ARL13B: variants seen among roughly 807,000 people sequenced by gnomAD.
ARL13B encodes the protein ADP-ribosylation factor-like protein 13B.
In ARL13B, 36 loss-of-function variants were observed where a neutral mutation model predicts 56.1. The ratio of observed to expected loss-of-function variants is 0.64; its 90% CI spans 0.49 to 0.85. ARL13B has a LOEUF of 0.85. Ranked by LOEUF, ARL13B falls within the 40% of genes least tolerant of loss-of-function variation. The pLI, the probability that ARL13B is intolerant of heterozygous loss-of-function variation, is 0.00. For missense variants in ARL13B, 519 were observed against 507.1 expected, an observed-to-expected ratio of 1.02 and a Z score of -0.23; for synonymous variants, 178 against 171.1, an observed-to-expected ratio of 1.04 and a Z score of -0.32.
At position 94,003,800 on chromosome 3, in the gene ARL13B, G is replaced by C; in HGVS notation, c.272G>C (p.Gly91Ala). 1 of 1,613,712 alleles carries C rather than the reference G, an allele frequency of 6.2e-7. No individual in the cohort carries two copies. Among genetic ancestry groups the C allele is most frequent in the Non-Finnish European group, 8.5e-7 (1 of 1,179,744 alleles). The change falls in exon 3 of 10, where the codon GGG becomes GCG. Residue 91 changes from glycine to alanine, a missense_variant. Coordinates refer to ENST00000394222, the MANE Select transcript of ARL13B (RefSeq NM_001174150.2). ...AAGAATTACTATGCTGAATCCTATG[G>C]GGTAATATTTGTTGTGGATTCCAGT... is the stretch of plus-strand genomic sequence containing the variant. ...IWKNYYAESY[G>A]VIFVVDSSDE... is the part of the protein sequence containing the mutation.
chr3:94,033,322 T>C (rs925210063), intron 3 of ARL13B, among the ~76,000 whole-genome samples: 1 of 152,050 alleles, frequency 6.6e-6, no homozygotes, highest in African/African-American at 2.4e-5. Context: ...ATGCAATATA[T>C]CACCACTATG....
intron 3 of ARL13B, chr3:94,014,685 A>C: frequency 6.2e-7 from 1 of 1,613,374 alleles, no homozygotes; most frequent in Non-Finnish European, 8.5e-7. Context: ...GTAAGCTTTC[A>C]TTAAAAACTT....
intron 8 of ARL13B, among the ~76,000 whole-genome samples, chr3:94,049,870 C>T (rs983340657): frequency 3.3e-5 from 5 of 151,382 alleles, no homozygotes; most frequent in Non-Finnish European, 7.4e-5. Flanking sequence ...AACATTGAAC[C>T]GGCTCGGCAT....
rs2076089227 is a variant in ARL13B at position 94,003,706 on chromosome 3, C to T, written c.178C>T (p.Leu60Phe). The T allele has an allele frequency of 6.2e-7, 1 of 1,613,420 alleles. No individual in the cohort carries two copies. The highest frequency in any genetic ancestry group is 1.7e-5 in the Admixed American group (1 of 59,990). Reference protein sequence around the residue: ...APTVGFSKINLRQGKFEVTIF... With the variant: ...APTVGFSKINFRQGKFEVTIF... The stretch of plus-strand genomic sequence containing the variant: ...TACTGTTGGATTTTCAAAAATTAAC[C>T]TTAGACAAGGAAAGTTTGAAGTCAC... The change falls in exon 3 of 10, where the codon CTT becomes TTT. Residue 60 changes from leucine (L) to phenylalanine (F), a missense_variant. Coordinates refer to ENST00000394222, the MANE Select transcript of ARL13B (RefSeq NM_001174150.2).
chr3:93,997,973 G>A (rs1046785803), intron 2 of ARL13B, among the ~76,000 whole-genome samples: 1 of 152,014 alleles, frequency 6.6e-6, no homozygotes, highest in African/African-American at 2.4e-5. Context: ...GCAACAGTGA[G>A]ACTCCGTCTC....
chr3:94,029,959 G>A (rs1171100776), intron 3 of ARL13B, among the ~76,000 whole-genome samples: 1 of 152,126 alleles, frequency 6.6e-6, no homozygotes, highest in Non-Finnish European at 1.5e-5. Flanking sequence ...GAAAGGAAGG[G>A]TAGATATAAA....
intron 7 of ARL13B, chr3:94,047,935 G>A: frequency 6.6e-6 from 1 of 151,162 alleles, no homozygotes; most frequent in South Asian, 2.1e-4. Context: ...TGCTTTTTAG[G>A]CTTCACAGAT....
intron 3 of ARL13B, among the ~76,000 whole-genome samples, chr3:94,019,816 C>T (rs561639929): frequency 7.9e-5 from 12 of 152,300 alleles, no homozygotes; most frequent in African/African-American, 2.9e-4. Flanking sequence ...TGTTCTCACA[C>T]AAATCTGGCA....
intron 7 of ARL13B, 57 bp from the exon 8 acceptor site, chr3:94,049,349 A>G: frequency 9.8e-7 from 1 of 1,019,786 alleles, no homozygotes. Context: ...TTTGTTTTCT[A>G]TTATAAAAGT....
rs1372313465 is a variant in ARL13B at position 94,055,304 on chromosome 3, T to C, written c.*2041T>C. 3 of 417,188 alleles carry C rather than the reference T, an allele frequency of 7.2e-6. No homozygotes were observed. Among genetic ancestry groups the C allele is most frequent in the Non-Finnish European group, 1.4e-5 (3 of 213,770 alleles). 25.8% of individuals were successfully genotyped at this position (417,188 alleles called of 1,614,324 possible). A position where few individuals can be genotyped will look rare whatever the true frequency, so the allele number is the denominator to read the frequency against. ...ATATTCTGTTTCTCTTTTCAATTGG[T>C]AGATTTAAATGATTTCCTTTGGGTA... On this transcript the variant is annotated 3_prime_UTR_variant, in exon 10 of 10. Transcript: ENST00000394222.
At chr3:93,986,598 C>G (rs1456474585) in intron 1 of ARL13B, among the ~76,000 whole-genome samples, 1 of 152,070 alleles carries the variant, frequency 6.6e-6, no homozygotes, top group Non-Finnish European at 1.5e-5. Context: ...TAATAGAGTT[C>G]CGATGTGTCA....
intron 1 of ARL13B, among the ~76,000 whole-genome samples, chr3:93,987,594 G>T (rs921590344): frequency 6.6e-6 from 1 of 151,930 alleles, no homozygotes; most frequent in Admixed American, 6.6e-5. Flanking sequence ...TAAGTATACA[G>T]ACATTTCAAA....
chr3:94,046,991 C>T (rs934312726), intron 7 of ARL13B, among the ~76,000 whole-genome samples: 5 of 152,016 alleles, frequency 3.3e-5, no homozygotes, highest in African/African-American at 4.8e-5. Context: ...ACTAGATATA[C>T]GTTAAGTTAT....
chr3:94,023,114 G>A (rs1275750983), intron 3 of ARL13B, among the ~76,000 whole-genome samples: 2 of 151,612 alleles, frequency 1.3e-5, no homozygotes, highest in African/African-American at 2.4e-5. Context: ...ATTTGGGAGT[G>A]TACCATAGCT....
chr3:94,041,334 G>T (rs1010523211), intron 6 of ARL13B, among the ~76,000 whole-genome samples: 1 of 151,916 alleles, frequency 6.6e-6, no homozygotes, highest in Admixed American at 6.6e-5. Flanking sequence ...AAAAATAATA[G>T]AACAACTTAA....
intron 8 of ARL13B, 131 bp downstream of exon 8, chr3:94,049,653 C>A (rs556277034): frequency 1.6e-6 from 1 of 626,328 alleles, no homozygotes; most frequent in Non-Finnish European, 2.6e-6. Context: ...GAAGAAGAAT[C>A]TTTTACTCTG....
chr3:94,025,853 A>G (rs1309501340), intron 3 of ARL13B, among the ~76,000 whole-genome samples: 1 of 152,116 alleles, frequency 6.6e-6, no homozygotes, highest in Non-Finnish European at 1.5e-5. Context: ...TATTATTCCT[A>G]GTTAACTGTT....
At chr3:93,980,865 A>G (rs1324917728) in intron 1 of ARL13B, among the ~76,000 whole-genome samples, 1 of 152,134 alleles carries the variant, frequency 6.6e-6, no homozygotes, top group Non-Finnish European at 1.5e-5. Flanking sequence ...ATATCCGCAC[A>G]TTCCATTCCA....
intron 3 of ARL13B, 24 bp from the exon 4 acceptor site, chr3:94,035,307 A>T (rs765673459): frequency 6.8e-7 from 1 of 1,476,728 alleles, no homozygotes; most frequent in South Asian, 1.2e-5. Flanking sequence ...TATGCTGTAT[A>T]AAAGTACTTT....
Sources: gnomAD v4.1 joint callset for allele counts (sites outside exome capture counted in the v4.1 genomes callset) on GRCh38, gnomAD v4.1.1 for gene constraint, MANE v1.5 for transcripts, NCBI Gene and HGNC (gene_info 2026-07-23, HGNC 2026-07-21) for gene names.